The following ASAP1 variants were observed in gnomAD, a reference collection of about 807,000 sequenced individuals.
ASAP1 encodes ArfGAP with SH3 domain, ankyrin repeat and PH domain 1.
Under a neutral mutation model 145.2 loss-of-function variants are expected in ASAP1, and 43 were observed. The ratio of observed to expected loss-of-function variants is 0.30; its 90% CI spans 0.23 to 0.38. ASAP1 has a LOEUF of 0.38. ASAP1 is among the 10% of genes least tolerant of loss of function. The probability of loss-of-function intolerance (pLI) is 1.00; values close to 1 mark genes in which losing one functional copy is unlikely to be tolerated. For synonymous variants in ASAP1, 546 were observed against 515.5 expected (o/e 1.06, Z -0.80); for missense variants, 1,018 against 1,355.3 (o/e 0.75, Z 3.91).
intron 3 of ASAP1, among the ~76,000 whole-genome samples, chr8:130,292,410 C>G (rs1822002847): frequency 6.6e-6 from 1 of 152,178 alleles, no homozygotes; most frequent in African/African-American, 2.4e-5. Context: ...TGCCTGCCCC[C>G]CAATCCCATC....
In ASAP1 at chr8:130,082,892, A is replaced by C. The variant is rs1278536580; in HGVS notation, c.2573-2921T>G. 2.0e-5 allele frequency: 3 copies of C among 152,050 alleles called. No individual in the cohort carries two copies. In the East Asian group the frequency reaches 5.8e-4, roughly 29 times the overall value. The allele number at this position is 152,050 out of a possible 1,614,324, so 9.4% of individuals were successfully genotyped here. On this transcript the variant is annotated intron_variant, in intron 25 of 29. Coordinates refer to ENST00000518721, the MANE Select transcript of ASAP1 (RefSeq NM_018482.4). The stretch of plus-strand genomic sequence containing the variant: ...TTTCTTTCTAGCACTGTGCTCAATG[A>C]TGAGTCTTCAGGGCTAGATATCAAA...
At chr8:130,425,887 T>C (rs983103802) in intron 1 of ASAP1, among the ~76,000 whole-genome samples, 2 of 152,188 alleles carry the variant, frequency 1.3e-5, no homozygotes, top group Non-Finnish European at 2.9e-5. Flanking sequence ...AGCTTAGCCA[T>C]GGTTTGGATG....
chr8:130,143,941 A>G (rs541974606), intron 13 of ASAP1, among the ~76,000 whole-genome samples: 2 of 152,346 alleles, frequency 1.3e-5, no homozygotes, highest in African/African-American at 4.8e-5. Flanking sequence ...ACAAACAAGA[A>G]GTGAACATTA....
intron 3 of ASAP1, among the ~76,000 whole-genome samples, chr8:130,332,499 T>A (rs7008182): frequency 0.51 from 77,238 of 152,084 alleles, 19,973 homozygotes; most frequent in African/African-American, 0.61. Flanking sequence ...ACAAAGAACA[T>A]CTAATTTTAC....
Position 130,176,730 on chromosome 8 carries a change from G to A in ASAP1, c.746+2534C>T, listed in dbSNP as rs1340630736. ...TTTGAGACAGAGTTTTGCTCTTGTT[G>A]TCCAGGCTGGAGTGCAATGGCGTGA... On this transcript the variant is annotated intron_variant, in intron 9 of 29. Coordinates refer to ENST00000518721, the MANE Select transcript of ASAP1 (RefSeq NM_018482.4). 2.1e-5 allele frequency among the ~76,000 whole-genome samples: 3 copies of A among 145,978 alleles called. No individual in the cohort carries two copies. The Admixed American group carries it at 2.1e-4, about 10-fold the overall frequency.
chr8:130,249,628 A>G (rs1819069633), intron 3 of ASAP1, among the ~76,000 whole-genome samples: 1 of 152,166 alleles, frequency 6.6e-6, no homozygotes, highest in African/African-American at 2.4e-5. Context: ...GTGCTATGAG[A>G]GCACCTGCCA....
chr8:130,377,149 A>C (rs1022915896), intron 2 of ASAP1, among the ~76,000 whole-genome samples: 2 of 151,980 alleles, frequency 1.3e-5, no homozygotes, highest in African/African-American at 4.8e-5. Context: ...ATATGTTCTC[A>C]CTCAAAAGTG....
intron 3 of ASAP1, among the ~76,000 whole-genome samples, chr8:130,262,416 A>AAGAGAGAGAGAGAGAGAGAGAG (rs71513089): frequency 5.2e-5 from 3 of 57,868 alleles, no homozygotes; most frequent in Non-Finnish European, 9.1e-5. Context: ...AAAAAAAAAA[A>AAGAGAGAGAGAGAGAGAGAGAG]AGAGAGAGAG....
At position 130,217,927 on chromosome 8, in the gene ASAP1, G is replaced by A. The variant is rs568892711; in HGVS notation, c.260-3226C>T. The stretch of plus-strand genomic sequence containing the variant: ...AAGTGTCACAGCAGTCCAATGAAAC[G>A]AAATGAGGCCCTAGCCAGCCTTCTA... On this transcript the variant is annotated intron_variant, in intron 4 of 29. Transcript: ENST00000518721. Among the ~76,000 whole-genome samples, 14 of 152,076 alleles carry A rather than the reference G, an allele frequency of 9.2e-5. No individual in the cohort carries two copies. In the South Asian group the frequency reaches 1.5e-3, roughly 16 times the overall value.
At chr8:130,401,785 G>C in intron 2 of ASAP1, 100 bp downstream of exon 2, 1 of 1,089,558 alleles carries the variant, frequency 9.2e-7, no homozygotes, top group Non-Finnish European at 1.4e-6. Flanking sequence ...AGATTCCAGT[G>C]CTTGTGTTTG....
chr8:130,392,049 C>G (rs553373075), intron 2 of ASAP1, among the ~76,000 whole-genome samples: 1 of 152,352 alleles, frequency 6.6e-6, no homozygotes, highest in East Asian at 1.9e-4. Flanking sequence ...CATGCCACTG[C>G]TTGTCCCATC....
chr8:130,376,790 A>AT (rs1827517800), intron 2 of ASAP1, among the ~76,000 whole-genome samples: 1 of 151,178 alleles, frequency 6.6e-6, no homozygotes, highest in East Asian at 2.0e-4. Context: ...GTAATCCCAC[A>AT]TACTTGGGAG....
At chr8:130,431,229 C>T (rs1830123601) in intron 1 of ASAP1, among the ~76,000 whole-genome samples, 3 of 152,166 alleles carry the variant, frequency 2.0e-5, no homozygotes, top group Admixed American at 2.0e-4. Flanking sequence ...CTTCCTGCTT[C>T]CAGACCCTGG....
At position 130,359,430 on chromosome 8, in the gene ASAP1, G is replaced by C. The variant is rs547087033; in HGVS notation, c.60-1287C>G. ...TCACCATTCGCTGAGTATGAATTTGGTTTAAAAGAAGAAGAAGAAGAAAAA... is the reference window on the plus strand; with the variant it reads ...TCACCATTCGCTGAGTATGAATTTGCTTTAAAAGAAGAAGAAGAAGAAAAA... On this transcript the variant is annotated intron_variant, in intron 2 of 29. Coordinates refer to ENST00000518721, the MANE Select transcript of ASAP1 (RefSeq NM_018482.4). 2.2e-4 allele frequency among the ~76,000 whole-genome samples: 33 copies of C among 151,644 alleles called. 1 individual carries two copies. The highest frequency in any genetic ancestry group is 2.1e-3 in the South Asian group (10 of 4,794).
rs573367573 is a variant in ASAP1, at chr8:130,138,335, C to T, written c.1081-1297G>A. Among the ~76,000 whole-genome samples, 6 of 152,282 alleles carry T rather than the reference C, an allele frequency of 3.9e-5. No homozygotes were observed. In the East Asian group the frequency reaches 7.7e-4, roughly 20 times the overall value. On this transcript the variant is annotated intron_variant, in intron 13 of 29. Coordinates refer to ENST00000518721, the MANE Select transcript of ASAP1 (RefSeq NM_018482.4). ...TGTCCCATATCTATCTATTCCAAAG[C>T]GAACTGCTTTAGGGGAGGAAGTGAG...
At chr8:130,188,723 C>CAAAAAAAAAAAAAAAAAAAAAAA (rs370580190) in intron 5 of ASAP1, among the ~76,000 whole-genome samples, 6 of 83,842 alleles carry the variant, frequency 7.2e-5, no homozygotes, top group Non-Finnish European at 9.0e-5. Context: ...GAGACTCTCT[C>CAAAAAAAAAAAAAAAAAAAAAAA]AAAAAAAAAA....
chr8:130,108,138 G>A (rs961382661), intron 24 of ASAP1, among the ~76,000 whole-genome samples: 5 of 152,168 alleles, frequency 3.3e-5, no homozygotes, highest in Non-Finnish European at 7.3e-5. Context: ...ATGCCACACA[G>A]CACGCTACTT....
chr8:130,203,507 C>T (rs1189060833), intron 5 of ASAP1, among the ~76,000 whole-genome samples: 1 of 152,134 alleles, frequency 6.6e-6, no homozygotes, highest in Non-Finnish European at 1.5e-5. Flanking sequence ...GTCTGAGGGC[C>T]ATGGTATGTG....
chr8:130,144,947 G>A (rs1017427167), intron 13 of ASAP1, among the ~76,000 whole-genome samples: 3 of 152,076 alleles, frequency 2.0e-5, no homozygotes, highest in Admixed American at 6.5e-5. Flanking sequence ...GCAAGGAATC[G>A]GTTACCTTAC....
Sources: allele counts gnomAD v4.1 joint callset (sites outside exome capture counted in the v4.1 genomes callset), GRCh38; gene constraint gnomAD v4.1.1; transcripts MANE v1.5; gene names NCBI Gene and HGNC (gene_info 2026-07-23, HGNC 2026-07-21).